PCTP: variants seen among roughly 807,000 people sequenced by gnomAD.
The protein encoded by PCTP is phosphatidylcholine transfer protein, also known as START domain-containing protein 2.
PCTP carries 27 observed loss-of-function variants against 31.0 expected under a neutral mutation model. The ratio of observed to expected loss-of-function variants is 0.87; its 90% CI spans 0.64 to 1.20. The LOEUF is 1.20. Among genes scored for constraint, PCTP ranks in the 50% most tolerant of loss-of-function variants. PCTP has a pLI of 0.00. For synonymous variants in PCTP, 108 were observed against 101.2 expected, an observed-to-expected ratio of 1.07 and a Z score of -0.40; for missense variants, 287 against 268.2, an observed-to-expected ratio of 1.07 and a Z score of -0.49.
At chr17:55,804,597 G>A (rs1912517724) in intron 3 of PCTP, among the ~76,000 whole-genome samples, 2 of 152,118 alleles carry the variant, frequency 1.3e-5, no homozygotes, top group African/African-American at 4.8e-5. Context: ...ATCATTCTTA[G>A]CAAATTAACA....
rs1179249950 is a variant in PCTP at position 55,751,188 on chromosome 17, G to T, written c.85G>T (p.Asp29Tyr). The change falls in exon 1 of 6, where the codon GAC becomes TAC. Residue 29 changes from aspartate (D) to tyrosine (Y), a missense_variant. Coordinates refer to ENST00000268896, the MANE Select transcript of PCTP (RefSeq NM_021213.4). ...ELQQPALAGA[D>Y]WQLLVETSGI... ...CCAGCAGCCCGCTCTGGCCGGGGCCGACTGGCAGCTCCTAGTGGAGACCTC... is the reference window on the plus strand; with the variant it reads ...CCAGCAGCCCGCTCTGGCCGGGGCCTACTGGCAGCTCCTAGTGGAGACCTC... 1.3e-6 allele frequency: 2 copies of T among 1,548,820 alleles called. No individual in the cohort carries two copies. Among genetic ancestry groups the T allele is most frequent in the Admixed American group, 2.0e-5 (1 of 50,910 alleles).
the PCTP span, among the ~76,000 whole-genome samples, chr17:55,852,052 GT>G: frequency 3.9e-5 from 6 of 152,042 alleles, no homozygotes; most frequent in African/African-American, 1.4e-4. Flanking sequence ...TCTACATATT[GT>G]TTTGCAATTT....
chr17:55,776,518 C>A lies in PCTP; in HGVS notation c.*418C>A, dbSNP rs770774590. The A allele has an allele frequency of 2.2e-4, 269 of 1,232,018 alleles. 1 individual carries two copies. The highest frequency in any genetic ancestry group is 9.3e-4 in the Middle Eastern group (3 of 3,230). The allele number at this position is 1,232,018 out of a possible 1,614,324, so 76.3% of individuals were successfully genotyped here. A position where few individuals can be genotyped will look rare whatever the true frequency, so the allele number is the denominator to read the frequency against. On this transcript the variant is annotated 3_prime_UTR_variant, in exon 6 of 6. Transcript: ENST00000268896. ...ATTTAAGAATGACTATTTGGGCGGG[C>A]TGGCTCTTTTGCAGCTTGTGATTTC...
chr17:55,797,686 C>T (rs769265032), intron 3 of PCTP, among the ~76,000 whole-genome samples: 22 of 151,906 alleles, frequency 1.4e-4, no homozygotes, highest in Non-Finnish European at 2.2e-4. Flanking sequence ...TAAAGACTAG[C>T]GCTAAAAGAG....
intron 1 of PCTP, among the ~76,000 whole-genome samples, chr17:55,754,390 T>C (rs1035597679): frequency 6.6e-6 from 1 of 152,220 alleles, no homozygotes; most frequent in African/African-American, 2.4e-5. Context: ...TTATAAAGGA[T>C]ACTACAAAGT....
At chr17:55,839,199 T>C (rs935319236) in intron 5 of PCTP, among the ~76,000 whole-genome samples, 2 of 152,198 alleles carry the variant, frequency 1.3e-5, no homozygotes, top group African/African-American at 4.8e-5. Context: ...TTAATCCCTT[T>C]TGAGCCTCAA....
chr17:55,788,423 T>C (rs976285989), intron 3 of PCTP, among the ~76,000 whole-genome samples: 10 of 152,142 alleles, frequency 6.6e-5, no homozygotes, highest in African/African-American at 2.4e-4. Flanking sequence ...CCAAACCCCA[T>C]ATTTACTTAT....
At chr17:55,818,916 C>G (rs767629397) in intron 3 of PCTP, among the ~76,000 whole-genome samples, 15 of 147,646 alleles carry the variant, frequency 1.0e-4, no homozygotes, top group Non-Finnish European at 2.2e-4. Context: ...CAGATGCTGG[C>G]TCACAGGGCA....
chr17:55,820,257 G>C (rs1913071885), intron 3 of PCTP, among the ~76,000 whole-genome samples: 1 of 152,192 alleles, frequency 6.6e-6, no homozygotes, highest in Non-Finnish European at 1.5e-5. Context: ...GAAAATTTCT[G>C]CAAATCATAT....
intron 3 of PCTP, among the ~76,000 whole-genome samples, chr17:55,814,060 A>G (rs1912838774): frequency 6.6e-6 from 1 of 152,098 alleles, no homozygotes; most frequent in Non-Finnish European, 1.5e-5. Flanking sequence ...TGTCAAAAAA[A>G]AAAAAAAGAA....
At chr17:55,760,856 C>T (rs1910307058) in intron 1 of PCTP, among the ~76,000 whole-genome samples, 1 of 152,150 alleles carries the variant, frequency 6.6e-6, no homozygotes, top group Non-Finnish European at 1.5e-5. Flanking sequence ...GGGTTCCCAT[C>T]CAGGCTTTGC....
intron 5 of PCTP, among the ~76,000 whole-genome samples, chr17:55,828,270 CAAT>C (rs1163592427): frequency 1.3e-5 from 2 of 152,206 alleles, no homozygotes; most frequent in Admixed American, 6.5e-5. Context: ...AAAACAACAA[CAAT>C]GTGTTCTCTC....
intron 3 of PCTP, among the ~76,000 whole-genome samples, chr17:55,794,223 A>G (rs1225282809): frequency 6.6e-6 from 1 of 152,086 alleles, no homozygotes; most frequent in African/African-American, 2.4e-5. Context: ...AGACATAACC[A>G]TCATAAAGCC....
downstream of PCTP, among the ~76,000 whole-genome samples, chr17:55,825,028 T>C (rs1296674731): frequency 6.6e-6 from 1 of 152,214 alleles, no homozygotes; most frequent in Non-Finnish European, 1.5e-5. Context: ...TAAATGGCTC[T>C]TACGTTAAGA....
chr17:55,833,714 A>T (rs917734101), intron 5 of PCTP, among the ~76,000 whole-genome samples: 1 of 152,206 alleles, frequency 6.6e-6, no homozygotes, highest in Admixed American at 6.5e-5. Context: ...CTCAAGTTTG[A>T]GAACCACTTA....
At chr17:55,794,775 A>T (rs1254617197) in intron 3 of PCTP, among the ~76,000 whole-genome samples, 2 of 151,992 alleles carry the variant, frequency 1.3e-5, no homozygotes, top group Non-Finnish European at 2.9e-5. Context: ...GACAAATTCC[A>T]GCTCCTGCCA....
intron 3 of PCTP, among the ~76,000 whole-genome samples, chr17:55,800,670 T>C (rs1912344364): frequency 6.6e-6 from 1 of 152,052 alleles, no homozygotes; most frequent in African/African-American, 2.4e-5. Flanking sequence ...TTGTAATAAA[T>C]AGCTCTTATT....
chr17:55,845,447 G>C (rs1204314656), downstream of PCTP, among the ~76,000 whole-genome samples: 2 of 152,162 alleles, frequency 1.3e-5, no homozygotes, highest in Non-Finnish European at 2.9e-5. Context: ...CGGCGTCCGC[G>C]GGCCTCAGCG....
At chr17:55,846,192 A>G (rs1413883439), downstream of PCTP, among the ~76,000 whole-genome samples, 1 of 152,156 alleles carries the variant, frequency 6.6e-6, no homozygotes, top group East Asian at 1.9e-4. Context: ...CAGTGAAACC[A>G]TCACCCAATG....
Sources: allele counts gnomAD v4.1 joint callset (sites outside exome capture counted in the v4.1 genomes callset), GRCh38; gene constraint gnomAD v4.1.1; transcripts MANE v1.5; gene names NCBI Gene and HGNC (gene_info 2026-07-23, HGNC 2026-07-21).